IL36G: variants seen among roughly 807,000 people sequenced by gnomAD.
IL36G encodes interleukin 36 gamma.
IL36G carries 10 observed loss-of-function variants against 13.5 expected under a neutral mutation model. That is an observed-to-expected ratio of 0.74 (90% confidence interval 0.46 to 1.26). The LOEUF is 1.26. IL36G is among the 50% of genes most tolerant of loss of function. IL36G has a pLI of 0.00. For missense variants in IL36G, 199 were observed against 203.0 expected (o/e 0.98, Z 0.12); for synonymous variants, 84 against 74.0 (o/e 1.13, Z -0.69).
chr2:112,984,716 C>T (rs1684323045), intron 4 of IL36G, 124 bp from the exon 5 acceptor site: 1 of 779,388 alleles, frequency 1.3e-6, no homozygotes, highest in Non-Finnish European at 2.1e-6. Flanking sequence ...TTTCTCTAGG[C>T]CTGCTCTAAT....
chr2:112,984,788 T>C, intron 4 of IL36G, 52 bp from the exon 5 acceptor site: 2 of 1,414,830 alleles, frequency 1.4e-6, no homozygotes, highest in Non-Finnish European at 2.0e-6. Context: ...TAACCTTGAA[T>C]ATCTCAAACA....
At chr2:112,979,022 C>T (rs1463658130) in intron 2 of IL36G, among the ~76,000 whole-genome samples, 199 bp from the exon 3 acceptor site, 1 of 152,180 alleles carries the variant, frequency 6.6e-6, no homozygotes. Context: ...CCTTGGTAGC[C>T]CTTGCCTTCC....
At position 112,984,823 on chromosome 2, in the gene IL36G, T is replaced by C. The variant is rs1275551221; in HGVS notation, c.301-17T>C. The C allele has an allele frequency of 6.2e-7, 1 of 1,603,702 alleles. No homozygotes were observed. Among genetic ancestry groups the C allele is most frequent in the Non-Finnish European group, 8.5e-7 (1 of 1,170,662 alleles). Reference sequence around the variant, plus strand: ...AGCTTCTGTTTCTCCTAATGGGTACTTGTTCTGACATTTCAGGAGCAGAAG... The same window carrying C: ...AGCTTCTGTTTCTCCTAATGGGTACCTGTTCTGACATTTCAGGAGCAGAAG... On this transcript the variant is annotated splice_polypyrimidine_tract_variant and intron_variant, in intron 4 of 4. Coordinates refer to ENST00000259205, the MANE Select transcript of IL36G (RefSeq NM_019618.4).
At chr2:112,984,225 T>G (rs1040433060) in intron 4 of IL36G, among the ~76,000 whole-genome samples, 4 of 152,312 alleles carry the variant, frequency 2.6e-5, no homozygotes, top group Admixed American at 2.0e-4. Flanking sequence ...AAATACTTAT[T>G]TTACCTAAAT....
chr2:112,982,850 G>A (rs1391441305), intron 4 of IL36G, among the ~76,000 whole-genome samples: 1 of 152,182 alleles, frequency 6.6e-6, no homozygotes, highest in Non-Finnish European at 1.5e-5. Context: ...AGTTTAAAGG[G>A]AGGAATTACA....
chr2:112,978,817 C>A, intron 2 of IL36G, 124 bp downstream of exon 2: 3 of 932,030 alleles, frequency 3.2e-6, no homozygotes, highest in Non-Finnish European at 5.1e-6. Flanking sequence ...CCTGGTGCTG[C>A]CCACCTACCA....
intron 2 of IL36G, 101 bp downstream of exon 2, chr2:112,978,794 A>G: frequency 8.5e-7 from 1 of 1,174,606 alleles, no homozygotes; most frequent in Admixed American, 1.8e-5. Flanking sequence ...CTCTCTGTAC[A>G]CTGCCCTTCC....
rs1293462553 is a variant in IL36G, at chr2:112,984,942, T to C, written c.403T>C (p.Phe135Leu). 1 of 1,614,052 alleles carries C rather than the reference T, an allele frequency of 6.2e-7. No homozygotes were observed. Among genetic ancestry groups the C allele is most frequent in the African/African-American group, 1.3e-5 (1 of 75,020 alleles). Residue 135 changes from phenylalanine to leucine, a missense_variant, in exon 5 of 5, where the codon TTC becomes CTC. Physicochemically the swap from Phe to Leu is conservative, Grantham distance 22. Transcript: ENST00000259205. The stretch of plus-strand genomic sequence containing the variant: ...GACCTCCACCCTTGAGTCTGTGGCC[T>C]TCCCGGACTGGTTCATTGCCTCCTC... Reference protein sequence around the residue: ...GRTSTLESVAFPDWFIASSKR... With the variant: ...GRTSTLESVALPDWFIASSKR...
chr2:112,983,455 G>C (rs1432631877), intron 4 of IL36G, among the ~76,000 whole-genome samples: 1 of 152,140 alleles, frequency 6.6e-6, no homozygotes, highest in African/African-American at 2.4e-5. Context: ...TAGGAGGGAG[G>C]ATTCCAAACC....
rs941916289 is a variant in IL36G at position 112,979,501 on chromosome 2, C to G, written c.160+176C>G. Among the ~76,000 whole-genome samples the G allele has an allele frequency of 1.4e-4, 21 of 152,108 alleles. 1 individual carries two copies. The highest frequency in any genetic ancestry group is 4.1e-4 in the African/African-American group (17 of 41,422). ...TTTGGGTTCCACTAAGATGAAGAAG[C>G]CAGAGATGGTGGAGGAGCCTCCAAG... On this transcript the variant is annotated intron_variant, in intron 3 of 4. Transcript: ENST00000259205.
chr2:112,980,481 C>T (rs1384854591), intron 4 of IL36G, among the ~76,000 whole-genome samples: 1 of 152,168 alleles, frequency 6.6e-6, no homozygotes, highest in African/African-American at 2.4e-5. Flanking sequence ...CAAAGGACTA[C>T]CAAAAATCAG....
intron 4 of IL36G, among the ~76,000 whole-genome samples, chr2:112,984,237 T>A (rs1177615197): frequency 6.6e-6 from 1 of 152,236 alleles, no homozygotes; most frequent in East Asian, 1.9e-4. Flanking sequence ...TACCTAAATA[T>A]ACAATGCATG....
chr2:112,984,541 C>T (rs1338571219), intron 4 of IL36G, among the ~76,000 whole-genome samples: 1 of 152,118 alleles, frequency 6.6e-6, no homozygotes, highest in Admixed American at 6.5e-5. Flanking sequence ...TAAGGGTCAC[C>T]TCAGCCTCTT....
rs1364501950 is a variant in IL36G, at chr2:112,984,952, G to A, written c.413G>A (p.Trp138Ter). 26 of 1,613,904 alleles carry A rather than the reference G, an allele frequency of 1.6e-5. No homozygotes were observed. Among genetic ancestry groups the A allele is most frequent in the Admixed American group, 3.3e-5 (2 of 59,984 alleles). Reference sequence around the variant, plus strand: ...CTTGAGTCTGTGGCCTTCCCGGACTGGTTCATTGCCTCCTCCAAGAGAGAC... The same window carrying A: ...CTTGAGTCTGTGGCCTTCCCGGACTAGTTCATTGCCTCCTCCAAGAGAGAC... ...STLESVAFPD[W>*]FIASSKRDQP... The change falls in exon 5 of 5, where the codon TGG becomes TAG. Residue 138 changes from tryptophan (W) to a stop codon, truncating the protein, a stop_gained. Coordinates refer to ENST00000259205, the MANE Select transcript of IL36G (RefSeq NM_019618.4). LOFTEE classifies it low-confidence loss of function (END_TRUNC).
At chr2:112,982,669 G>A (rs1277634713) in intron 4 of IL36G, among the ~76,000 whole-genome samples, 1 of 152,174 alleles carries the variant, frequency 6.6e-6, no homozygotes, top group Non-Finnish European at 1.5e-5. Flanking sequence ...AGTCAGGACT[G>A]AGAATGACAT....
intron 4 of IL36G, chr2:112,981,117 A>G: frequency 2.3e-6 from 2 of 852,876 alleles, no homozygotes; most frequent in Non-Finnish European, 3.9e-6. Context: ...AGTTTTTCAA[A>G]CTGTACAGTC....
intron 2 of IL36G, 111 bp from the exon 3 acceptor site, chr2:112,979,110 A>C (rs1240345464): frequency 1.5e-6 from 1 of 683,714 alleles, no homozygotes; most frequent in African/African-American, 1.8e-5. Flanking sequence ...TGGGGATGCA[A>C]ACCCCACACC....
At position 112,979,328 on chromosome 2, in the gene IL36G, G is replaced by T. The variant is rs753662165; in HGVS notation, c.160+3G>T. On this transcript the variant is annotated splice_donor_region_variant and intron_variant, in intron 3 of 4. Transcript: ENST00000259205. Reference sequence around the variant, plus strand: ...ACGAAGTGACAGTGTGACCCCAGGTGAGTGGTCACCCTGTGCCTTCCCCAC... The same window carrying T: ...ACGAAGTGACAGTGTGACCCCAGGTTAGTGGTCACCCTGTGCCTTCCCCAC... 1 of 1,560,874 alleles carries T rather than the reference G, an allele frequency of 6.4e-7. No individual in the cohort carries two copies.
Position 112,979,209 on chromosome 2 carries a change from T to A in IL36G, c.56-12T>A. 6.6e-7 allele frequency: 1 copy of A among 1,526,424 alleles called. No individual in the cohort carries two copies. The highest frequency in any genetic ancestry group is 2.3e-5 in the East Asian group (1 of 44,420). The allele number at this position is 1,526,424 out of a possible 1,614,324, so 94.6% of individuals were successfully genotyped here. A position where few individuals can be genotyped will look rare whatever the true frequency, so the allele number is the denominator to read the frequency against. ...TAATATTTCTTCATTTTTTTCTCTA[T>A]CCCAAAATCAGTGTGTAAACCTATT... On this transcript the variant is annotated splice_polypyrimidine_tract_variant and intron_variant, in intron 2 of 4. Coordinates refer to ENST00000259205, the MANE Select transcript of IL36G (RefSeq NM_019618.4).
Sources: allele counts gnomAD v4.1 joint callset (sites outside exome capture counted in the v4.1 genomes callset), GRCh38; gene constraint gnomAD v4.1.1; transcripts MANE v1.5; gene names NCBI Gene and HGNC (gene_info 2026-07-23, HGNC 2026-07-21).